Variants in ODF2L observed in about 807,000 individuals in gnomAD.
The protein encoded by ODF2L is outer dense fiber of sperm tails 2 like.
A neutral mutation model predicts 86.3 loss-of-function variants in ODF2L; 76 were observed. The ratio of observed to expected loss-of-function variants is 0.88; its 90% confidence interval spans 0.73 to 1.07. ODF2L has a LOEUF of 1.07. ODF2L is among the 50% of genes least tolerant of loss of function. The pLI, the probability that ODF2L is intolerant of heterozygous loss-of-function variation, is 0.00. For synonymous variants in ODF2L, 241 were observed against 231.3 expected (o/e 1.04, Z -0.38); for missense variants, 748 against 717.4 (o/e 1.04, Z -0.49).
chr1:86,373,957 A>G (rs1359542265), intron 8 of ODF2L, among the ~76,000 whole-genome samples: 1 of 152,168 alleles, frequency 6.6e-6, no homozygotes, highest in Admixed American at 6.5e-5. Context: ...AACACTCAAT[A>G]AATAGCTCAA....
At chr1:86,394,497 A>G (rs1661565340) in intron 1 of ODF2L, among the ~76,000 whole-genome samples, 1 of 152,160 alleles carries the variant, frequency 6.6e-6, no homozygotes, top group Non-Finnish European at 1.5e-5. Context: ...GCCTTTATTC[A>G]GTCAGGTTTT....
chr1:86,375,005 C>T (rs1660070412), intron 8 of ODF2L: 1 of 151,796 alleles, frequency 6.6e-6, no homozygotes, highest in Non-Finnish European at 1.5e-5. Context: ...AAACAAAACA[C>T]AACAGCAGTG....
rs376732664 is a variant in ODF2L, at chr1:86,356,606, A to G, written c.1360-4T>C. On this transcript the variant is annotated splice_polypyrimidine_tract_variant and splice_region_variant and intron_variant, in intron 13 of 17. Transcript: ENST00000317336. ...GAGACTCCATCTGGCCTCTCATCTGAGTTGTGGCAGTAGGGAAATAAGTGC... is the reference window on the plus strand; with the variant it reads ...GAGACTCCATCTGGCCTCTCATCTGGGTTGTGGCAGTAGGGAAATAAGTGC... The G allele has an allele frequency of 6.8e-6, 11 of 1,610,456 alleles. No homozygotes were observed. The highest frequency in any genetic ancestry group is 9.3e-6 in the Non-Finnish European group (11 of 1,177,978).
intron 11 of ODF2L, among the ~76,000 whole-genome samples, chr1:86,368,142 T>C (rs984504281): frequency 7.9e-5 from 12 of 152,186 alleles, no homozygotes; most frequent in African/African-American, 2.9e-4. Flanking sequence ...TCTCCTCCTC[T>C]TTCTTCTCTT....
exon 18 of ODF2L, chr1:86,350,917 A>G (rs1011304038): frequency 1.3e-5 from 2 of 152,034 alleles, no homozygotes; most frequent in Non-Finnish European, 2.9e-5. Context: ...GTGTCTGTTC[A>G]TATTCTTTGC....
At position 86,358,783 on chromosome 1, in the gene ODF2L, G is replaced by T. The variant is rs1288180210; in HGVS notation, c.1359+4C>A. 6 of 1,131,078 alleles carry T rather than the reference G, an allele frequency of 5.3e-6. No homozygotes were observed. The highest frequency in any genetic ancestry group is 7.7e-6 in the Non-Finnish European group (6 of 782,522). 70.1% of individuals were successfully genotyped at this position (1,131,078 alleles called of 1,614,324 possible). A position where few individuals can be genotyped will look rare whatever the true frequency, so the allele number is the denominator to read the frequency against. ...ATATTATTTATTTGAAATTCCAAAC[G>T]TACCTTCTCTACATTTTTATTTTTG... On this transcript the variant is annotated splice_donor_region_variant and intron_variant, in intron 13 of 17. Transcript: ENST00000317336.
chr1:86,395,487 C>A lies in ODF2L; in HGVS notation c.-60+546G>T, dbSNP rs114133297. 4.3e-3 allele frequency among the ~76,000 whole-genome samples: 654 copies of A among 152,288 alleles called. 5 individuals are homozygous for A. The highest frequency in any genetic ancestry group is 0.014 in the African/African-American group (601 of 41,556). ...AGCGGGTTCAGTGGCAGAGCTGGGA[C>A]TGAACACAAGTCGGCCTTTAGCACT... On this transcript the variant is annotated intron_variant, in intron 1 of 17. Transcript: ENST00000317336.
At chr1:86,356,147 A>C in intron 14 of ODF2L, 10 of 215,680 alleles carry the variant, frequency 4.6e-5, no homozygotes, top group East Asian at 2.2e-4. Flanking sequence ...ACATCAAGGA[A>C]CATATATGTA....
chr1:86,391,711 A>C (rs1239125518), intron 1 of ODF2L, among the ~76,000 whole-genome samples: 1 of 152,108 alleles, frequency 6.6e-6, no homozygotes, highest in Non-Finnish European at 1.5e-5. Context: ...AAGACCTGAA[A>C]CTATATAAAT....
At chr1:86,351,907 T>G in exon 18 of ODF2L, 1 of 1,147,756 alleles carries the variant, frequency 8.7e-7, no homozygotes, top group Non-Finnish European at 1.1e-6. Flanking sequence ...CTAGGGACAT[T>G]ACAGCAAAAC....
At chr1:86,348,987 ATTT>A, downstream of ODF2L, 1 of 1,177,850 alleles carries the variant, frequency 8.5e-7, no homozygotes, top group Non-Finnish European at 1.1e-6. Context: ...ATTCTTTTTG[ATTT>A]TTTAAAATAA....
exon 18 of ODF2L, chr1:86,350,959 ATTTG>A (rs1658095133): frequency 6.6e-6 from 1 of 151,776 alleles, no homozygotes; most frequent in African/African-American, 2.4e-5. Context: ...TTTCTTGTAA[ATTTG>A]TTTAAGTTCT....
chr1:86,371,765 GAT>G (rs1378294872), intron 9 of ODF2L, among the ~76,000 whole-genome samples: 2 of 151,988 alleles, frequency 1.3e-5, no homozygotes, highest in Admixed American at 6.6e-5. Flanking sequence ...TAAACTTTTA[GAT>G]ATATTTTCAC....
rs748487219 is a variant in ODF2L, at chr1:86,356,544, G to A, written c.1418C>T (p.Thr473Met). ...CTCGTGAAGCCTCCGTTCCGCCGCC[G>A]TCAAGGAATCGCAGACACGCTCTAA... Residue 473 changes from threonine to methionine, a missense_variant, in exon 14 of 18, where the codon ACG becomes ATG. Transcript: ENST00000317336. 4.2e-5 allele frequency: 68 copies of A among 1,613,902 alleles called. No individual in the cohort carries two copies. The Middle Eastern group carries it at 1.3e-3, about 31-fold the overall frequency.
chr1:86,365,451 C>T (rs139803876), intron 11 of ODF2L, among the ~76,000 whole-genome samples: 1 of 152,118 alleles, frequency 6.6e-6, no homozygotes, highest in East Asian at 1.9e-4. Context: ...ACAAATTATA[C>T]AAACAAGTAA....
At chr1:86,367,441 C>G (rs1217643880) in intron 11 of ODF2L, among the ~76,000 whole-genome samples, 1 of 151,570 alleles carries the variant, frequency 6.6e-6, no homozygotes, top group Non-Finnish European at 1.5e-5. Flanking sequence ...GGCAGCAGGC[C>G]TAGAGACCAA....
chr1:86,382,486 A>C, intron 6 of ODF2L, 128 bp from the exon 7 acceptor site: 1 of 1,460,442 alleles, frequency 6.8e-7, no homozygotes, highest in Non-Finnish European at 9.1e-7. Flanking sequence ...GCACTACTTT[A>C]CATAAACTGC....
intron 6 of ODF2L, 152 bp from the exon 7 acceptor site, chr1:86,382,510 A>G (rs1277692440): frequency 3.1e-5 from 40 of 1,309,340 alleles, no homozygotes; most frequent in Admixed American, 9.0e-5. Flanking sequence ...CCCTATTACA[A>G]ATGTATTTCA....
chr1:86,384,705 G>A (rs751012355), exon 4 of ODF2L: 1 of 1,520,132 alleles, frequency 6.6e-7, no homozygotes, highest in Non-Finnish European at 8.8e-7. Flanking sequence ...CTAAGAAGAT[G>A]TTCTAAAGCT....
Sources: gnomAD v4.1 joint callset for allele counts (sites outside exome capture counted in the v4.1 genomes callset) on GRCh38, gnomAD v4.1.1 for gene constraint, MANE v1.5 for transcripts, NCBI Gene and HGNC (gene_info 2026-07-23, HGNC 2026-07-21) for gene names.